PTPRT: variants seen among roughly 807,000 people sequenced by gnomAD.
PTPRT encodes receptor-type tyrosine-protein phosphatase T.
In PTPRT, 56 loss-of-function variants were observed where a neutral mutation model predicts 176.8. The observed-to-expected ratio is 0.32, with a 90% CI of 0.26 to 0.40. The LOEUF is 0.40. PTPRT is among the 10% of genes least tolerant of loss of function. PTPRT has a pLI of 1.00. For missense variants in PTPRT, 1,540 were observed against 1,908.2 expected (o/e 0.81, Z 3.60); for synonymous variants, 783 against 739.0 (o/e 1.06, Z -0.96).
At chr20:42,352,666 G>A (rs1015404730) in intron 9 of PTPRT, among the ~76,000 whole-genome samples, 6 of 152,044 alleles carry the variant, frequency 3.9e-5, no homozygotes, top group East Asian at 1.9e-4. Flanking sequence ...CACAACAGGC[G>A]GTCTATGGTC....
At chr20:42,660,760 G>C (rs1032718739) in intron 7 of PTPRT, among the ~76,000 whole-genome samples, 1 of 152,162 alleles carries the variant, frequency 6.6e-6, no homozygotes, top group Non-Finnish European at 1.5e-5. Flanking sequence ...TAGTCTAATG[G>C]AAAGGGCAAG....
At chr20:42,971,228 A>G (rs1982619019) in intron 1 of PTPRT, 1 of 152,230 alleles carries the variant, frequency 6.6e-6, no homozygotes, top group Admixed American at 6.5e-5. Context: ...TGTAGAAACT[A>G]ATTGCTGTAT....
intron 1 of PTPRT, among the ~76,000 whole-genome samples, chr20:43,056,980 G>C (rs1987262691): frequency 1.3e-5 from 2 of 151,876 alleles, no homozygotes; most frequent in Non-Finnish European, 2.9e-5. Flanking sequence ...CAACAACCTT[G>C]ATGAATCTCC....
the PTPRT span, among the ~76,000 whole-genome samples, chr20:42,037,277 C>G: frequency 1.2e-4 from 18 of 152,304 alleles, no homozygotes; most frequent in East Asian, 1.9e-3. Context: ...AGGTGTGAAC[C>G]TGCTGCTGAC....
At position 42,075,799 on chromosome 20, in the gene PTPRT, G is replaced by A. The variant is rs571453376; in HGVS notation, c.*5080C>T. 2.5e-5 allele frequency: 5 copies of A among 203,262 alleles called. No individual in the cohort carries two copies. The highest frequency in any genetic ancestry group is 5.0e-5 in the Non-Finnish European group (5 of 99,162). The allele number at this position is 203,262 out of a possible 1,614,324, so 12.6% of individuals were successfully genotyped here. On this transcript the variant is annotated 3_prime_UTR_variant, in exon 31 of 31. Transcript: ENST00000373187. ...TACAGCAAGAGCTAGTGTGGCAATGGGGAGTGGAGGATGAATAAACATGAT... is the reference window on the plus strand; with the variant it reads ...TACAGCAAGAGCTAGTGTGGCAATGAGGAGTGGAGGATGAATAAACATGAT...
intron 2 of PTPRT, among the ~76,000 whole-genome samples, chr20:42,854,571 G>A (rs2078530031): frequency 1.3e-5 from 2 of 152,236 alleles, no homozygotes; most frequent in South Asian, 4.1e-4. Context: ...TTGAAGCAGA[G>A]TAACAGACCA....
intron 16 of PTPRT, among the ~76,000 whole-genome samples, chr20:42,171,405 G>A (rs1022333203): frequency 6.6e-6 from 1 of 152,088 alleles, no homozygotes; most frequent in African/African-American, 2.4e-5. Flanking sequence ...AAAATTCTTG[G>A]CTAAAATTTC....
chr20:42,150,926 A>G (rs987634240), intron 17 of PTPRT, among the ~76,000 whole-genome samples: 2 of 152,158 alleles, frequency 1.3e-5, no homozygotes, highest in African/African-American at 4.8e-5. Context: ...AAAATGGAAA[A>G]TAACACACCC....
At chr20:42,367,583 G>A (rs2058531969) in intron 9 of PTPRT, among the ~76,000 whole-genome samples, 1 of 152,174 alleles carries the variant, frequency 6.6e-6, no homozygotes. Flanking sequence ...TAGATGATAA[G>A]TTCTCTAGAA....
chr20:42,584,974 A>C (rs1425496301), intron 7 of PTPRT, among the ~76,000 whole-genome samples: 1 of 152,202 alleles, frequency 6.6e-6, no homozygotes, highest in Non-Finnish European at 1.5e-5. Flanking sequence ...GACAGGCTGC[A>C]CTGGTGCTTA....
intron 6 of PTPRT, among the ~76,000 whole-genome samples, chr20:42,690,807 T>C (rs2075781440): frequency 6.6e-6 from 1 of 152,244 alleles, no homozygotes; most frequent in Non-Finnish European, 1.5e-5. Context: ...AAGCAAGTGA[T>C]ATAACTCCCT....
intron 6 of PTPRT, among the ~76,000 whole-genome samples, chr20:42,748,322 C>T (rs761105394): frequency 6.6e-6 from 1 of 152,160 alleles, no homozygotes; most frequent in Non-Finnish European, 1.5e-5. Context: ...TGATACCATG[C>T]CTGCTCTCTG....
intron 17 of PTPRT, among the ~76,000 whole-genome samples, chr20:42,144,232 G>A (rs767416144): frequency 6.6e-6 from 1 of 152,190 alleles, no homozygotes; most frequent in Non-Finnish European, 1.5e-5. Context: ...TATTGAGATG[G>A]AGAAGCCTGG....
At chr20:42,464,151 ATATCC>A (rs138403379) in intron 8 of PTPRT, among the ~76,000 whole-genome samples, 1 of 152,316 alleles carries the variant, frequency 6.6e-6, no homozygotes, top group Non-Finnish European at 1.5e-5. Context: ...GACGTCATAC[ATATCC>A]CCCATCTTCA....
At chr20:42,983,657 G>T (rs940899860) in intron 1 of PTPRT, among the ~76,000 whole-genome samples, 4 of 152,198 alleles carry the variant, frequency 2.6e-5, no homozygotes, top group African/African-American at 9.7e-5. Flanking sequence ...TCCACAGGGA[G>T]GTGTGGCCAG....
intron 7 of PTPRT, among the ~76,000 whole-genome samples, chr20:42,513,130 G>C (rs1054181865): frequency 2.6e-5 from 4 of 151,916 alleles, no homozygotes; most frequent in African/African-American, 9.7e-5. Flanking sequence ...AAAGTACTGG[G>C]ATTACAGGCG....
intron 1 of PTPRT, among the ~76,000 whole-genome samples, chr20:43,165,271 G>A (rs1295838947): frequency 6.6e-6 from 1 of 151,326 alleles, no homozygotes; most frequent in Non-Finnish European, 1.5e-5. Context: ...TGATTCTCCT[G>A]CCTCAGCCTC....
At chr20:42,164,354 G>C (rs754087807) in intron 16 of PTPRT, among the ~76,000 whole-genome samples, 3 of 152,198 alleles carry the variant, frequency 2.0e-5, no homozygotes, top group South Asian at 2.1e-4. Context: ...CACATTGCTA[G>C]ACAGACTGTA....
chr20:42,976,475 G>A (rs545432654), intron 1 of PTPRT, among the ~76,000 whole-genome samples: 4 of 151,754 alleles, frequency 2.6e-5, no homozygotes, highest in South Asian at 2.1e-4. Flanking sequence ...GTGCAATCTC[G>A]GCTTAGTGCA....
Sources: allele counts gnomAD v4.1 joint callset (sites outside exome capture counted in the v4.1 genomes callset), GRCh38; gene constraint gnomAD v4.1.1; transcripts MANE v1.5; gene names NCBI Gene and HGNC (gene_info 2026-07-23, HGNC 2026-07-21).